NAALADL2: variants seen among roughly 807,000 people sequenced by gnomAD.
NAALADL2 encodes the protein N-acetylated alpha-linked acidic dipeptidase like 2, also known as inactive N-acetylated-alpha-linked acidic dipeptidase-like protein 2.
A neutral mutation model predicts 87.2 loss-of-function variants in NAALADL2; 76 were observed. The ratio of observed to expected loss-of-function variants is 0.87; its 90% CI spans 0.72 to 1.05. NAALADL2 has a LOEUF of 1.05. Ranked by LOEUF, NAALADL2 falls within the 50% of genes least tolerant of loss-of-function variation. The probability of loss-of-function intolerance (pLI) is 0.00; values close to 1 mark genes in which losing one functional copy is unlikely to be tolerated. For missense variants in NAALADL2, 1,089 were observed against 945.8 expected, an observed-to-expected ratio of 1.15 and a Z score of -1.99; for synonymous variants, 354 against 331.0, an observed-to-expected ratio of 1.07 and a Z score of -0.75.
At chr3:175,668,278 T>C (rs1447988247) in intron 11 of NAALADL2, among the ~76,000 whole-genome samples, 1 of 152,202 alleles carries the variant, frequency 6.6e-6, no homozygotes. Context: ...GGGCTGTAGC[T>C]ATCAGAAGGA....
chr3:175,210,425 T>C (rs1289528956), intron 2 of NAALADL2, among the ~76,000 whole-genome samples: 4 of 151,868 alleles, frequency 2.6e-5, no homozygotes, highest in South Asian at 2.1e-4. Context: ...TTTTTTGTTA[T>C]GAAATAATTT....
chr3:174,575,803 T>A (rs979329128), intron 2 of NAALADL2, among the ~76,000 whole-genome samples: 14 of 152,188 alleles, frequency 9.2e-5, no homozygotes, highest in African/African-American at 3.4e-4. Context: ...TCTATCCATA[T>A]TTATTAGATG....
intron 3 of NAALADL2, among the ~76,000 whole-genome samples, 165 bp downstream of exon 3, chr3:175,234,369 C>G (rs1199530658): frequency 6.6e-6 from 1 of 152,168 alleles, no homozygotes; most frequent in Non-Finnish European, 1.5e-5. Context: ...GCCCTCCTGA[C>G]CCTTTTCTTG....
intron 10 of NAALADL2, among the ~76,000 whole-genome samples, chr3:175,586,786 G>C (rs929383110): frequency 2.6e-5 from 4 of 152,080 alleles, no homozygotes; most frequent in Non-Finnish European, 5.9e-5. Flanking sequence ...TAATGACTCA[G>C]GTATATATAA....
intron 9 of NAALADL2, among the ~76,000 whole-genome samples, chr3:175,517,754 TA>T (rs1193242908): frequency 1.3e-5 from 2 of 151,720 alleles, no homozygotes; most frequent in Non-Finnish European, 2.9e-5. Context: ...AAAAGAAAGA[TA>T]AAGGAAAACG....
chr3:174,674,457 G>A (rs968097894), intron 2 of NAALADL2, among the ~76,000 whole-genome samples: 2 of 151,828 alleles, frequency 1.3e-5, no homozygotes, highest in Non-Finnish European at 1.5e-5. Flanking sequence ...ACTGTGAAAC[G>A]GAGCTTCTTT....
intron 2 of NAALADL2, among the ~76,000 whole-genome samples, chr3:174,660,537 C>T (rs866442971): frequency 3.9e-5 from 6 of 152,104 alleles, no homozygotes; most frequent in East Asian, 1.9e-4. Context: ...TGAAAGATCT[C>T]GCGTCCCGTT....
At chr3:174,956,755 G>T (rs1741207150) in intron 1 of NAALADL2, among the ~76,000 whole-genome samples, 1 of 152,016 alleles carries the variant, frequency 6.6e-6, no homozygotes, top group African/African-American at 2.4e-5. Flanking sequence ...TGATGGAGTG[G>T]AGGTCCTTTT....
intron 2 of NAALADL2, among the ~76,000 whole-genome samples, chr3:175,181,547 G>A (rs1046686183): frequency 1.3e-5 from 2 of 151,214 alleles, no homozygotes; most frequent in Non-Finnish European, 2.9e-5. Context: ...CATTTCACAT[G>A]TAAGTGACAA....
intron 9 of NAALADL2, among the ~76,000 whole-genome samples, chr3:175,494,213 T>G (rs73045068): frequency 0.1 from 15,454 of 152,070 alleles, 977 homozygotes; most frequent in African/African-American, 0.17. Flanking sequence ...CTTAATATAT[T>G]AACTATTTTC....
intron 10 of NAALADL2, among the ~76,000 whole-genome samples, chr3:175,586,686 G>A (rs991746338): frequency 3.3e-5 from 5 of 152,122 alleles, no homozygotes; most frequent in African/African-American, 1.2e-4. Flanking sequence ...TCCTAAACCA[G>A]TACTTTGTTG....
chr3:175,223,687 C>T (rs1305003582), intron 2 of NAALADL2, among the ~76,000 whole-genome samples: 3 of 152,152 alleles, frequency 2.0e-5, no homozygotes, highest in Admixed American at 1.3e-4. Context: ...GTGTCTAGAA[C>T]TGTACATTAA....
At chr3:175,691,643 A>T (rs1366074527) in intron 11 of NAALADL2, among the ~76,000 whole-genome samples, 4 of 151,994 alleles carry the variant, frequency 2.6e-5, no homozygotes, top group Non-Finnish European at 5.9e-5. Context: ...AATATATATT[A>T]AAAAATGCTG....
rs575072771 is a variant in NAALADL2 at position 175,495,964 on chromosome 3, A to C, written c.1653+24206A>C. ...TTATATATTTTATTTATGACTCGAC[A>C]ACTTCTTTACATGATGTAACCTAAT... On this transcript the variant is annotated intron_variant, in intron 9 of 13. Coordinates refer to ENST00000454872, the MANE Select transcript of NAALADL2 (RefSeq NM_207015.3). Among the ~76,000 whole-genome samples the C allele has an allele frequency of 2.0e-5, 3 of 152,158 alleles. No homozygotes were observed. In the South Asian group the frequency reaches 6.2e-4, roughly 32 times the overall value.
chr3:175,416,496 A>G (rs1365039538), intron 5 of NAALADL2, among the ~76,000 whole-genome samples: 1 of 152,146 alleles, frequency 6.6e-6, no homozygotes. Context: ...GTAACTTTGA[A>G]TTGTGTTTAT....
At chr3:175,042,956 C>T (rs1276115177) in intron 1 of NAALADL2, among the ~76,000 whole-genome samples, 1 of 152,086 alleles carries the variant, frequency 6.6e-6, no homozygotes, top group Middle Eastern at 3.2e-3. Context: ...AGCCTGGCAC[C>T]TCCCCACCTC....
rs114937899 is a variant in NAALADL2, at chr3:175,099,749, A to G, written c.545+2458A>G. Among the ~76,000 whole-genome samples, 171 of 152,272 alleles carry G rather than the reference A, an allele frequency of 1.1e-3. 1 individual carries two copies. The highest frequency in any genetic ancestry group is 4.1e-3 in the African/African-American group (171 of 41,564). On this transcript the variant is annotated intron_variant, in intron 2 of 13. Transcript: ENST00000454872. ...TCTAAACCTATGTCAGTTCTTATCA[A>G]ATAGCCTAAAAGTTGTGCAATACAA...
chr3:175,644,382 C>G (rs1246272361), intron 11 of NAALADL2, among the ~76,000 whole-genome samples: 2 of 151,810 alleles, frequency 1.3e-5, no homozygotes, highest in Non-Finnish European at 2.9e-5. Context: ...TATTATACAT[C>G]TTTATAATTT....
At chr3:175,028,737 T>C (rs916747003) in intron 1 of NAALADL2, among the ~76,000 whole-genome samples, 2 of 151,934 alleles carry the variant, frequency 1.3e-5, no homozygotes, top group Non-Finnish European at 2.9e-5. Flanking sequence ...TATTTCAGGA[T>C]CTAAATGAAT....
Sources: gnomAD v4.1 joint callset for allele counts (sites outside exome capture counted in the v4.1 genomes callset) on GRCh38, gnomAD v4.1.1 for gene constraint, MANE v1.5 for transcripts, NCBI Gene and HGNC (gene_info 2026-07-23, HGNC 2026-07-21) for gene names.